Variants in CCDC38 observed in about 807,000 individuals in gnomAD.
CCDC38 encodes coiled-coil domain-containing protein 38.
Under a neutral mutation model 72.8 loss-of-function variants are expected in CCDC38, and 69 were observed. The ratio of observed to expected loss-of-function variants is 0.95; its 90% confidence interval spans 0.78 to 1.16. The LOEUF (loss-of-function observed/expected upper bound fraction) is 1.16. CCDC38 is among the 50% of genes most tolerant of loss of function. The pLI is 0.00. For missense variants in CCDC38, 626 were observed against 638.9 expected, an observed-to-expected ratio of 0.98 and a Z score of 0.22; for synonymous variants, 201 against 213.2, an observed-to-expected ratio of 0.94 and a Z score of 0.50.
intron 1 of CCDC38, among the ~76,000 whole-genome samples, chr12:95,937,827 G>C (rs1193141210): frequency 6.6e-6 from 1 of 152,234 alleles, no homozygotes; most frequent in Non-Finnish European, 1.5e-5. Flanking sequence ...GTCAGGCACT[G>C]TTCTACGTGT....
intron 5 of CCDC38, among the ~76,000 whole-genome samples, chr12:95,905,611 A>G (rs1023087539): frequency 6.6e-6 from 1 of 152,252 alleles, no homozygotes; most frequent in Non-Finnish European, 1.5e-5. Flanking sequence ...GAAATTAGGA[A>G]AAGTCAAGTA....
intron 2 of CCDC38, among the ~76,000 whole-genome samples, chr12:95,930,397 C>G (rs992184756): frequency 6.6e-6 from 1 of 152,158 alleles, no homozygotes; most frequent in Non-Finnish European, 1.5e-5. Context: ...TATTCCATGA[C>G]TTTAACCTAG....
At chr12:95,931,947 G>T (rs1047894028) in intron 2 of CCDC38, among the ~76,000 whole-genome samples, 11 of 152,124 alleles carry the variant, frequency 7.2e-5, no homozygotes, top group Non-Finnish European at 1.3e-4. Context: ...CAATGCAAAG[G>T]TCCTGAGGCA....
chr12:95,869,351 T>A (rs188004288), intron 15 of CCDC38, 129 bp downstream of exon 15: 1 of 652,502 alleles, frequency 1.5e-6, no homozygotes, highest in Non-Finnish European at 2.6e-6. Flanking sequence ...CAGAGACCAA[T>A]TGTAGCTGTG....
At chr12:95,916,379 G>GCCTTCCTTCCTTCCTT (rs63210665) in intron 4 of CCDC38, among the ~76,000 whole-genome samples, 2,996 of 147,424 alleles carry the variant, frequency 0.02, 120 homozygotes, top group African/African-American at 0.072. Context: ...TTGCCTGCCT[G>GCCTTCCTTCCTTCCTT]CCTTCCTTCC....
intron 3 of CCDC38, among the ~76,000 whole-genome samples, chr12:95,918,149 A>G (rs778427129): frequency 3.3e-5 from 5 of 152,208 alleles, no homozygotes; most frequent in Non-Finnish European, 7.3e-5. Flanking sequence ...AAGAAAGTAA[A>G]TCTACTGAAA....
intron 13 of CCDC38, among the ~76,000 whole-genome samples, chr12:95,873,502 CTG>C (rs1174576373): frequency 2.0e-5 from 3 of 152,200 alleles, no homozygotes; most frequent in South Asian, 2.1e-4. Context: ...TACCTCGACA[CTG>C]TGCCGTTTAA....
At chr12:95,888,568 T>C in intron 9 of CCDC38, 62 bp from the exon 10 acceptor site, 3 of 1,516,598 alleles carry the variant, frequency 2.0e-6, no homozygotes, top group Admixed American at 1.7e-5. Context: ...AGAAATAACA[T>C]GGAATTAGAA....
intron 2 of CCDC38, among the ~76,000 whole-genome samples, chr12:95,932,435 G>GT (rs1225566004): frequency 2.0e-5 from 3 of 150,826 alleles, no homozygotes; most frequent in Non-Finnish European, 4.4e-5. Flanking sequence ...ACTTGATTTT[G>GT]TTTTTTCTTA....
At chr12:95,876,655 A>G (rs1002003949) in intron 13 of CCDC38, among the ~76,000 whole-genome samples, 2 of 152,104 alleles carry the variant, frequency 1.3e-5, no homozygotes, top group Non-Finnish European at 2.9e-5. Flanking sequence ...GCACAACCCC[A>G]TCCCCTACTA....
chr12:95,900,437 A>G (rs551550954), intron 5 of CCDC38, among the ~76,000 whole-genome samples: 3 of 152,356 alleles, frequency 2.0e-5, no homozygotes, highest in East Asian at 1.9e-4. Flanking sequence ...TCTCCAAACA[A>G]TATGTTGACA....
At chr12:95,908,990 A>C (rs1423625363) in intron 4 of CCDC38, among the ~76,000 whole-genome samples, 1 of 152,220 alleles carries the variant, frequency 6.6e-6, no homozygotes, top group Non-Finnish European at 1.5e-5. Context: ...GGCATAAAAT[A>C]AAATCTCTTG....
rs1278086554 is a variant in CCDC38 at position 95,917,968 on chromosome 12, A to T, written c.139-674T>A. On this transcript the variant is annotated intron_variant, in intron 3 of 15. Coordinates refer to ENST00000344280, the MANE Select transcript of CCDC38 (RefSeq NM_182496.3). ...TAGATATTTAAAAATTAGGCTTGTG[A>T]TTTCATTCATCTTCTCTCAATTTAA... Among the ~76,000 whole-genome samples the T allele has an allele frequency of 2.0e-5, 3 of 151,920 alleles. No homozygotes were observed. The East Asian group carries it at 5.8e-4, about 29-fold the overall frequency.
intron 1 of CCDC38, among the ~76,000 whole-genome samples, chr12:95,937,216 C>A (rs1411884398): frequency 6.6e-6 from 1 of 152,040 alleles, no homozygotes; most frequent in African/African-American, 2.4e-5. Context: ...AGTCTCTGAC[C>A]CTGTACTTGT....
At chr12:95,931,211 G>C (rs546203214) in intron 2 of CCDC38, among the ~76,000 whole-genome samples, 3 of 152,302 alleles carry the variant, frequency 2.0e-5, no homozygotes, top group Non-Finnish European at 4.4e-5. Flanking sequence ...CCAGCTGTTA[G>C]AGGCTGCCTG....
intron 4 of CCDC38, among the ~76,000 whole-genome samples, chr12:95,907,899 C>T (rs149354296): frequency 0.23 from 34,313 of 149,562 alleles, 4,235 homozygotes; most frequent in East Asian, 0.42. Context: ...CGGGAAGAGG[C>T]GCTTCTCACT....
At chr12:95,913,697 T>C (rs2136713482) in intron 4 of CCDC38, among the ~76,000 whole-genome samples, 1 of 152,302 alleles carries the variant, frequency 6.6e-6, no homozygotes, top group South Asian at 2.1e-4. Flanking sequence ...AAACACATAG[T>C]AACTTCTTAA....
At chr12:95,906,946 T>A (rs2080010594) in intron 4 of CCDC38, among the ~76,000 whole-genome samples, 1 of 150,604 alleles carries the variant, frequency 6.6e-6, no homozygotes, top group Admixed American at 6.6e-5. Flanking sequence ...AGGTCTCTGG[T>A]TTTCCTAGGC....
At chr12:95,886,379 G>A (rs1565946542) in intron 10 of CCDC38, among the ~76,000 whole-genome samples, 1 of 151,914 alleles carries the variant, frequency 6.6e-6, no homozygotes, top group Non-Finnish European at 1.5e-5. Context: ...AAAAAATATG[G>A]AAAAAAATCT....
Sources: allele counts gnomAD v4.1 joint callset (sites outside exome capture counted in the v4.1 genomes callset), GRCh38; gene constraint gnomAD v4.1.1; transcripts MANE v1.5; gene names NCBI Gene and HGNC (gene_info 2026-07-23, HGNC 2026-07-21).